The following SBSPON variants were observed in gnomAD, a reference collection of about 807,000 sequenced individuals.
SBSPON encodes the protein somatomedin-B and thrombospondin type-1 domain-containing protein.
Under a neutral mutation model 35.8 loss-of-function variants are expected in SBSPON, and 30 were observed. That is an observed-to-expected ratio of 0.84 (90% CI 0.63 to 1.14). The LOEUF is 1.14. Among genes scored for constraint, SBSPON ranks in the 50% most tolerant of loss-of-function variants. SBSPON has a pLI of 0.00. For synonymous variants in SBSPON, 136 were observed against 135.9 expected (o/e 1.00, Z 0.00); for missense variants, 364 against 357.7 (o/e 1.02, Z -0.14).
rs927566192 is a variant in SBSPON, at chr8:73,066,431, C to T, written c.*910G>A. On this transcript the variant is annotated 3_prime_UTR_variant, in exon 5 of 5. Transcript: ENST00000297354. ...TGTGAGATCGTAGCACCTGTAATGA[C>T]GTCTATGCCTTCCATAACCGACACA... The T allele has an allele frequency of 2.0e-5, 3 of 152,090 alleles. No homozygotes were observed. The highest frequency in any genetic ancestry group is 2.9e-5 in the Non-Finnish European group (2 of 68,014). 9.4% of individuals were successfully genotyped at this position (152,090 alleles called of 1,614,324 possible).
chr8:73,082,791 G>A (rs529030988), intron 1 of SBSPON, among the ~76,000 whole-genome samples: 1 of 152,228 alleles, frequency 6.6e-6, no homozygotes, highest in South Asian at 2.1e-4. Context: ...GATCTCCTAG[G>A]CTGCGAGCTG....
At chr8:73,071,905 C>T (rs769937081) in intron 2 of SBSPON, 35 bp from the exon 3 acceptor site, 21 of 1,363,840 alleles carry the variant, frequency 1.5e-5, no homozygotes, top group Admixed American at 1.2e-4. Context: ...ATTCAGGGAG[C>T]CAAAGTACTC....
Position 73,076,086 on chromosome 8 carries a change from C to A in SBSPON, c.410-4216G>T, listed in dbSNP as rs974026607. Among the ~76,000 whole-genome samples the A allele has an allele frequency of 2.0e-5, 3 of 152,110 alleles. No homozygotes were observed. In the East Asian group the frequency reaches 5.8e-4, roughly 29 times the overall value. On this transcript the variant is annotated intron_variant, in intron 2 of 4. Coordinates refer to ENST00000297354, the MANE Select transcript of SBSPON (RefSeq NM_153225.4). Reference sequence around the variant, plus strand: ...ATTACAATTTTAGCTGTAATGATGACAGTTAATAGCAAAACACTATTGAGG... The same window carrying A: ...ATTACAATTTTAGCTGTAATGATGAAAGTTAATAGCAAAACACTATTGAGG...
chr8:73,068,870 TAAAATC>T lies in SBSPON; in HGVS notation c.677+929_677+934del, dbSNP rs1003075265. On this transcript the variant is annotated intron_variant, in intron 4 of 4. Transcript: ENST00000297354. ...GAATAATTTTTATGTTTTAAAGTGT[TAAAATC>T]AAAACAATAATGATATTTTGTGACA... Among the ~76,000 whole-genome samples, 37 of 152,322 alleles carry T rather than the reference TAAAATC, an allele frequency of 2.4e-4. No individual in the cohort carries two copies. The East Asian group carries it at 6.6e-3, about 27-fold the overall frequency.
In SBSPON at chr8:73,067,160, A is replaced by G. The variant is rs1331589211; in HGVS notation, c.*181T>C. ...TGAGTGGGTCTTCAACTTAGTTAAA[A>G]TAAAAATAAAGGACCTGTGTTCCTT... On this transcript the variant is annotated 3_prime_UTR_variant, in exon 5 of 5. Transcript: ENST00000297354. 1 of 484,710 alleles carries G rather than the reference A, an allele frequency of 2.1e-6. No homozygotes were observed. Among genetic ancestry groups the G allele is most frequent in the Non-Finnish European group, 3.7e-6 (1 of 268,732 alleles). 30.0% of individuals were successfully genotyped at this position (484,710 alleles called of 1,614,324 possible). A position where few individuals can be genotyped will look rare whatever the true frequency, so the allele number is the denominator to read the frequency against.
intron 2 of SBSPON, among the ~76,000 whole-genome samples, chr8:73,076,736 A>G (rs1810601626): frequency 2.0e-5 from 3 of 151,832 alleles, no homozygotes; most frequent in Admixed American, 6.6e-5. Context: ...GGACGGCGGC[A>G]GTGAGGAAAG....
intron 3 of SBSPON, among the ~76,000 whole-genome samples, chr8:73,070,766 A>C (rs1264757457): frequency 1.3e-5 from 2 of 152,208 alleles, no homozygotes; most frequent in Non-Finnish European, 2.9e-5. Context: ...AGACATAGTA[A>C]AATCTCCGAG....
intron 1 of SBSPON, among the ~76,000 whole-genome samples, chr8:73,088,407 G>A (rs1264669077): frequency 6.6e-6 from 1 of 152,180 alleles, no homozygotes; most frequent in Non-Finnish European, 1.5e-5. Context: ...AGAGGGCCAG[G>A]CACCCTGGCT....
chr8:73,069,340 A>G (rs1810448729), intron 4 of SBSPON, among the ~76,000 whole-genome samples: 1 of 151,660 alleles, frequency 6.6e-6, no homozygotes, highest in Admixed American at 6.6e-5. Context: ...GCCAGAGTGC[A>G]GTGGTGCAAT....
intron 1 of SBSPON, among the ~76,000 whole-genome samples, chr8:73,090,000 C>CA (rs1810901805): frequency 6.6e-6 from 1 of 152,218 alleles, no homozygotes; most frequent in Non-Finnish European, 1.5e-5. Context: ...CCACCTCAGC[C>CA]TTCTGGGTAG....
At chr8:73,078,373 T>C (rs577672690) in intron 2 of SBSPON, among the ~76,000 whole-genome samples, 50 of 152,324 alleles carry the variant, frequency 3.3e-4, no homozygotes, top group Admixed American at 1.7e-3. Flanking sequence ...CCAGCCGCCC[T>C]ACCTCGAGTA....
At position 73,069,901 on chromosome 8, in the gene SBSPON, T is replaced by C; in HGVS notation, c.581A>G (p.Tyr194Cys). ...ACACACCGTGTATCCCTCTCGGAGA[T>C]ACTGCATCCATCTAGTCAAGGGCCA... is the stretch of plus-strand genomic sequence containing the variant. ...ENWPLTRWMQ[Y>C]LREGYTVCVD... The change falls in exon 4 of 5, where the codon TAT becomes TGT. Residue 194 changes from tyrosine (Y) to cysteine (C), a missense_variant. Physicochemically the swap from Tyr to Cys is radical, Grantham distance 194 (BLOSUM62 -2). Transcript: ENST00000297354. 2 of 1,613,212 alleles carry C rather than the reference T, an allele frequency of 1.2e-6. No individual in the cohort carries two copies. The highest frequency in any genetic ancestry group is 1.3e-5 in the African/African-American group (1 of 75,034).
intron 2 of SBSPON, among the ~76,000 whole-genome samples, chr8:73,073,442 C>T (rs1226522211): frequency 6.6e-6 from 1 of 152,218 alleles, no homozygotes; most frequent in African/African-American, 2.4e-5. Context: ...TCTTTACTAT[C>T]CCAAGATGAC....
intron 2 of SBSPON, among the ~76,000 whole-genome samples, chr8:73,076,504 G>A (rs1365969356): frequency 3.3e-5 from 5 of 151,962 alleles, no homozygotes; most frequent in Non-Finnish European, 2.9e-5. Context: ...AAAATTAGCC[G>A]GGTGTGTTGG....
At chr8:73,070,128 C>A in intron 3 of SBSPON, 147 bp from the exon 4 acceptor site, 1 of 531,896 alleles carries the variant, frequency 1.9e-6, no homozygotes, top group Non-Finnish European at 3.3e-6. Context: ...GTGTCAATCA[C>A]CTTTAAGGTT....
chr8:73,075,988 G>A (rs1028027457), intron 2 of SBSPON, among the ~76,000 whole-genome samples: 1 of 152,190 alleles, frequency 6.6e-6, no homozygotes, highest in African/African-American at 2.4e-5. Context: ...ATTAATAAGA[G>A]AGCTTCAGGG....
At position 73,064,749 on chromosome 8, in the gene SBSPON, TTC is replaced by T. The variant is rs1260536639; in HGVS notation, c.*2590_*2591del. The T allele has an allele frequency of 6.6e-6, 1 of 152,160 alleles. No homozygotes were observed. The highest frequency in any genetic ancestry group is 3.2e-3 in the Middle Eastern group (1 of 316). 9.4% of individuals were successfully genotyped at this position (152,160 alleles called of 1,614,324 possible). On this transcript the variant is annotated 3_prime_UTR_variant, in exon 5 of 5. Transcript: ENST00000297354. ...TATAGTTACCTTATTCCTTTTTCTA[TTC>T]TTTTTTTCCTTCACTTGTTTTTCAC... is the stretch of plus-strand genomic sequence containing the variant.
At chr8:73,070,517 G>A (rs1810474994) in intron 3 of SBSPON, among the ~76,000 whole-genome samples, 1 of 152,146 alleles carries the variant, frequency 6.6e-6, no homozygotes, top group Admixed American at 6.5e-5. Context: ...CTGGAGTAAT[G>A]ATGATGAGTT....
At chr8:73,088,021 TC>T in intron 1 of SBSPON, among the ~76,000 whole-genome samples, 1 of 152,276 alleles carries the variant, frequency 6.6e-6, no homozygotes, top group African/African-American at 2.4e-5. Context: ...TCCATCCCTT[TC>T]TTAGAGGAGG....
Sources: allele counts gnomAD v4.1 joint callset (sites outside exome capture counted in the v4.1 genomes callset), GRCh38; gene constraint gnomAD v4.1.1; transcripts MANE v1.5; gene names NCBI Gene and HGNC (gene_info 2026-07-23, HGNC 2026-07-21).